Variants in CDADC1 observed in about 807,000 individuals in gnomAD.
CDADC1 encodes cytidine and dCMP deaminase domain containing 1.
A neutral mutation model predicts 54.9 loss-of-function variants in CDADC1; 39 were observed. The observed-to-expected ratio is 0.71, with a 90% CI of 0.55 to 0.93. CDADC1 has a LOEUF of 0.93. Ranked by LOEUF, CDADC1 falls within the 40% of genes least tolerant of loss-of-function variation. The pLI, the probability that CDADC1 is intolerant of heterozygous loss-of-function variation, is 0.00. For synonymous variants in CDADC1, 186 were observed against 204.0 expected, an observed-to-expected ratio of 0.91 and a Z score of 0.75; for missense variants, 518 against 618.8, an observed-to-expected ratio of 0.84 and a Z score of 1.73.
Position 49,268,052 on chromosome 13 carries a change from T to G in CDADC1, c.993T>G (p.Tyr331Ter). ...TGGTTCAGGCCAGGTTATTGGCATA[T>G]CGAACTGGTGAGTTACATAGATCGT... is the stretch of plus-strand genomic sequence containing the variant. ...HCMVQARLLA[Y>*]RTEDHKTGVG... Residue 331 changes from tyrosine to a stop codon, truncating the protein, a stop_gained, in exon 5 of 10, where the codon TAT becomes TAG. Coordinates refer to ENST00000251108, the MANE Select transcript of CDADC1 (RefSeq NM_030911.4). LOFTEE classifies it high-confidence loss of function. The G allele has an allele frequency of 6.2e-7, 1 of 1,608,854 alleles. No individual in the cohort carries two copies.
chr13:49,263,675 A>G (rs932298624), intron 4 of CDADC1, among the ~76,000 whole-genome samples: 1 of 152,238 alleles, frequency 6.6e-6, no homozygotes, highest in Non-Finnish European at 1.5e-5. Flanking sequence ...CGTATACTTC[A>G]ATGAAAACAA....
At chr13:49,255,050 C>G (rs1193082433) in intron 2 of CDADC1, among the ~76,000 whole-genome samples, 1 of 152,188 alleles carries the variant, frequency 6.6e-6, no homozygotes, top group African/African-American at 2.4e-5. Flanking sequence ...CTGAAATGAG[C>G]CTTACTGGGC....
intron 2 of CDADC1, among the ~76,000 whole-genome samples, chr13:49,251,575 A>G (rs564543537): frequency 6.6e-6 from 1 of 152,112 alleles, no homozygotes; most frequent in Admixed American, 6.5e-5. Context: ...CAACAGGCAC[A>G]AGTTGTATTT....
chr13:49,277,970 A>C (rs1474576735), intron 6 of CDADC1, among the ~76,000 whole-genome samples: 2 of 152,178 alleles, frequency 1.3e-5, no homozygotes, highest in Non-Finnish European at 2.9e-5. Context: ...TGTACAGAAT[A>C]CTCGAACATG....
chr13:49,272,657 C>CTTTTTTTTT (rs1191602451), intron 5 of CDADC1, among the ~76,000 whole-genome samples: 1 of 133,036 alleles, frequency 7.5e-6, no homozygotes, highest in African/African-American at 2.8e-5. Context: ...ATTTCTTTTT[C>CTTTTTTTTT]TTTTTTTTTT....
At chr13:49,290,535 G>C (rs1181656666) in intron 9 of CDADC1, among the ~76,000 whole-genome samples, 1 of 152,126 alleles carries the variant, frequency 6.6e-6, no homozygotes, top group African/African-American at 2.4e-5. Context: ...GGTGTCCTTA[G>C]GACAAGGAAA....
At chr13:49,270,576 T>G (rs1952942321) in intron 5 of CDADC1, among the ~76,000 whole-genome samples, 1 of 152,214 alleles carries the variant, frequency 6.6e-6, no homozygotes, top group Non-Finnish European at 1.5e-5. Flanking sequence ...CAGTGGCATC[T>G]GGGACAGTAC....
chr13:49,263,645 A>G (rs1229035570), intron 4 of CDADC1, among the ~76,000 whole-genome samples: 1 of 152,236 alleles, frequency 6.6e-6, no homozygotes, highest in Non-Finnish European at 1.5e-5. Flanking sequence ...CCACATATCT[A>G]TATGAGGCCA....
chr13:49,278,478 C>A lies in CDADC1; in HGVS notation c.1179C>A (p.Phe393Leu). The change falls in exon 7 of 10, where the codon TTC (phenylalanine) becomes TTA (leucine). Residue 393 changes from phenylalanine (F) to leucine (L), a missense_variant. Transcript: ENST00000251108. ...DKQKDREIRK[F>L]RYIIHAEQNA... Reference sequence around the variant, plus strand: ...AGAAAGACAGAGAAATAAGGAAATTCAGATACATCATACATGCGGAACAGA... The same window carrying A: ...AGAAAGACAGAGAAATAAGGAAATTAAGATACATCATACATGCGGAACAGA... 6.3e-7 allele frequency: 1 copy of A among 1,595,100 alleles called. No homozygotes were observed.
intron 5 of CDADC1, among the ~76,000 whole-genome samples, chr13:49,273,538 A>G (rs1025613605): frequency 2.6e-5 from 4 of 152,340 alleles, no homozygotes; most frequent in Middle Eastern, 3.4e-3. Context: ...AATGGTTTTA[A>G]GAAGTACAGC....
At position 49,291,545 on chromosome 13, in the gene CDADC1, A is replaced by G. The variant is rs986006911; in HGVS notation, c.1472-139A>G. 9 of 740,000 alleles carry G rather than the reference A, an allele frequency of 1.2e-5. No homozygotes were observed. In the South Asian group the frequency reaches 1.4e-4, roughly 12 times the overall value. The allele number at this position is 740,000 out of a possible 1,614,324, so 45.8% of individuals were successfully genotyped here. On this transcript the variant is annotated intron_variant, in intron 9 of 9. Transcript: ENST00000251108. ...AGTTATCTAGATTGGATTCTCTACA[A>G]TTGAGAATTTGAAGATAAAATAAAG...
intron 4 of CDADC1, among the ~76,000 whole-genome samples, chr13:49,264,576 AG>A (rs1307172965): frequency 8.1e-6 from 1 of 123,892 alleles, no homozygotes; most frequent in Non-Finnish European, 1.7e-5. Context: ...AAAAAAAAAG[AG>A]CTGGGTGTGG....
Position 49,248,154 on chromosome 13 carries a change from C to T in CDADC1, c.82+35C>T, listed in dbSNP as rs369827666. Reference sequence around the variant, plus strand: ...CGGGACCCTGCTCCCGCCACCCTACCTTTCGCTCTGCCCTGTGCGTCTCCC... The same window carrying T: ...CGGGACCCTGCTCCCGCCACCCTACTTTTCGCTCTGCCCTGTGCGTCTCCC... On this transcript the variant is annotated intron_variant, in intron 1 of 9. Coordinates refer to ENST00000251108, the MANE Select transcript of CDADC1 (RefSeq NM_030911.4). 801 of 1,510,196 alleles carry T rather than the reference C, an allele frequency of 5.3e-4. 1 individual carries two copies. The Middle Eastern group carries it at 5.4e-3, about 10-fold the overall frequency. The allele number at this position is 1,510,196 out of a possible 1,614,324, so 93.5% of individuals were successfully genotyped here. A position where few individuals can be genotyped will look rare whatever the true frequency, so the allele number is the denominator to read the frequency against.
At chr13:49,249,113 A>C in intron 2 of CDADC1, 148 bp downstream of exon 2, 1 of 601,880 alleles carries the variant, frequency 1.7e-6, no homozygotes. Context: ...ACACTTTATA[A>C]TTCCCAGCCG....
At chr13:49,278,258 T>G in intron 6 of CDADC1, 92 bp from the exon 7 acceptor site, 1 of 890,510 alleles carries the variant, frequency 1.1e-6, no homozygotes, top group Non-Finnish European at 1.6e-6. Flanking sequence ...TGAATATTCA[T>G]TATACAAAGT....
At chr13:49,287,523 T>C (rs967638383) in intron 9 of CDADC1, among the ~76,000 whole-genome samples, 2 of 152,086 alleles carry the variant, frequency 1.3e-5, no homozygotes, top group Admixed American at 1.3e-4. Context: ...TCTGTCTCTC[T>C]GTCTATCTAT....
chr13:49,253,655 A>G (rs755791892), intron 2 of CDADC1, among the ~76,000 whole-genome samples: 18 of 152,246 alleles, frequency 1.2e-4, no homozygotes, highest in Non-Finnish European at 2.5e-4. Flanking sequence ...TGCCTGGCAC[A>G]TGTTAGGTAC....
In CDADC1 at chr13:49,280,496, A is replaced by T. The variant is rs1301662738; in HGVS notation, c.1221-13A>T. On this transcript the variant is annotated splice_polypyrimidine_tract_variant and intron_variant, in intron 7 of 9. Transcript: ENST00000251108. ...GAAACGACCTTTCTGATATTTTATA[A>T]TTTTTTTTGTAGGTGTCAAGAAATA... 1.5e-6 allele frequency: 2 copies of T among 1,351,906 alleles called. No homozygotes were observed. Among genetic ancestry groups the T allele is most frequent in the African/African-American group, 1.5e-5 (1 of 67,290 alleles). The allele number at this position is 1,351,906 out of a possible 1,614,324, so 83.7% of individuals were successfully genotyped here. A position where few individuals can be genotyped will look rare whatever the true frequency, so the allele number is the denominator to read the frequency against.
chr13:49,291,648 G>T (rs1195654828), intron 9 of CDADC1, 36 bp from the exon 10 acceptor site: 3 of 1,596,854 alleles, frequency 1.9e-6, no homozygotes, highest in Non-Finnish European at 2.6e-6. Context: ...GGTTTGAAAT[G>T]AAGCTGTCCT....
Sources: gnomAD v4.1 joint callset for allele counts (sites outside exome capture counted in the v4.1 genomes callset) on GRCh38, gnomAD v4.1.1 for gene constraint, MANE v1.5 for transcripts, NCBI Gene and HGNC (gene_info 2026-07-23, HGNC 2026-07-21) for gene names.